ITPR1: variants seen among roughly 807,000 people sequenced by gnomAD.
ITPR1 encodes inositol 1,4,5-trisphosphate-gated calcium channel ITPR1.
A neutral mutation model predicts 318.4 loss-of-function variants in ITPR1; 96 were observed. That is an observed-to-expected ratio of 0.30 (90% confidence interval 0.26 to 0.36). The LOEUF is 0.36. Among genes scored for constraint, ITPR1 ranks in the 10% least tolerant of loss-of-function variants. The pLI is 1.00. For missense variants in ITPR1, 2,440 were observed against 3,460.2 expected (o/e 0.71, Z 7.40); for synonymous variants, 1,312 against 1,289.9 (o/e 1.02, Z -0.37).
chr3:4,641,998 G>C lies in ITPR1; in HGVS notation c.367-95G>C. The C allele has an allele frequency of 2.1e-6, 2 of 967,700 alleles. 1 individual carries two copies. Among genetic ancestry groups the C allele is most frequent in the Non-Finnish European group, 2.9e-6 (2 of 688,020 alleles). The allele number at this position is 967,700 out of a possible 1,614,324, so 59.9% of individuals were successfully genotyped here. ...CTTCACCAGCAGCTCAATGGTGGGAGGAATGTTTGCTACATAGTTGGTATG... is the reference window on the plus strand; with the variant it reads ...CTTCACCAGCAGCTCAATGGTGGGACGAATGTTTGCTACATAGTTGGTATG... On this transcript the variant is annotated intron_variant, in intron 6 of 61. Coordinates refer to ENST00000649015, the MANE Select transcript of ITPR1 (RefSeq NM_001378452.1).
intron 4 of ITPR1, among the ~76,000 whole-genome samples, chr3:4,566,636 A>ACACACACACG (rs1399130685): frequency 1.3e-5 from 2 of 151,754 alleles, no homozygotes; most frequent in Non-Finnish European, 2.9e-5. Flanking sequence ...ACACACACAC[A>ACACACACACG]CACACACTGA....
chr3:4,766,403 G>A (rs2045821780), intron 44 of ITPR1, 127 bp from the exon 45 acceptor site: 1 of 704,856 alleles, frequency 1.4e-6, no homozygotes, highest in Non-Finnish European at 2.4e-6. Flanking sequence ...CCTTAATGTT[G>A]ATCTAAACTT....
intron 4 of ITPR1, among the ~76,000 whole-genome samples, chr3:4,589,610 C>A (rs2090212841): frequency 6.6e-6 from 1 of 152,094 alleles, no homozygotes; most frequent in Non-Finnish European, 1.5e-5. Context: ...TGATGGCTCA[C>A]AGTCTTTCTA....
chr3:4,595,827 G>A (rs2090764701), intron 4 of ITPR1, among the ~76,000 whole-genome samples: 1 of 152,158 alleles, frequency 6.6e-6, no homozygotes, highest in Non-Finnish European at 1.5e-5. Flanking sequence ...ACCTTTGAGA[G>A]CATTGTGGTA....
intron 4 of ITPR1, among the ~76,000 whole-genome samples, chr3:4,550,428 G>A (rs555681037): frequency 6.6e-6 from 1 of 152,320 alleles, no homozygotes; most frequent in East Asian, 1.9e-4. Flanking sequence ...CGTGCTTCAT[G>A]AAAATCATGT....
At chr3:4,646,358 G>T (rs2093457211) in intron 10 of ITPR1, among the ~76,000 whole-genome samples, 1 of 152,236 alleles carries the variant, frequency 6.6e-6, no homozygotes, top group South Asian at 2.1e-4. Flanking sequence ...GGTACCTGCA[G>T]GATGATTTGT....
chr3:4,639,575 C>T, intron 6 of ITPR1, 105 bp downstream of exon 6: 1 of 792,466 alleles, frequency 1.3e-6, no homozygotes, highest in Non-Finnish European at 2.1e-6. Flanking sequence ...CAGCAGGACT[C>T]CATGGAGGCA....
At chr3:4,709,223 A>T (rs1328743837) in intron 37 of ITPR1, among the ~76,000 whole-genome samples, 1 of 152,302 alleles carries the variant, frequency 6.6e-6, no homozygotes, top group African/African-American at 2.4e-5. Flanking sequence ...GTCAGTATGA[A>T]CTAAGGGATG....
At chr3:4,737,977 G>T (rs1019247318) in intron 44 of ITPR1, among the ~76,000 whole-genome samples, 2 of 152,080 alleles carry the variant, frequency 1.3e-5, no homozygotes, top group African/African-American at 4.8e-5. Flanking sequence ...ATCAAATACC[G>T]CATGTTCTCA....
At chr3:4,696,503 A>G (rs956037614) in intron 33 of ITPR1, among the ~76,000 whole-genome samples, 2 of 152,188 alleles carry the variant, frequency 1.3e-5, no homozygotes, top group Non-Finnish European at 2.9e-5. Flanking sequence ...TTGTGTGTCC[A>G]TCAGTCAGTT....
intron 4 of ITPR1, among the ~76,000 whole-genome samples, chr3:4,554,362 G>A (rs1358410890): frequency 2.6e-5 from 4 of 152,204 alleles, no homozygotes; most frequent in Middle Eastern, 3.2e-3. Context: ...ATTTTTTGCC[G>A]AGTCGCAGAA....
chr3:4,590,893 A>G (rs2090344874), intron 4 of ITPR1, among the ~76,000 whole-genome samples: 2 of 151,914 alleles, frequency 1.3e-5, no homozygotes, highest in Admixed American at 1.3e-4. Flanking sequence ...CTCCCCCTCC[A>G]CAAGTAGACT....
intron 42 of ITPR1, among the ~76,000 whole-genome samples, chr3:4,730,630 TC>T (rs2042862339): frequency 6.6e-6 from 1 of 152,072 alleles, no homozygotes; most frequent in South Asian, 2.1e-4. Context: ...TTTCATTACC[TC>T]CTGCTTGCTT....
At chr3:4,624,542 A>T (rs2092755299) in intron 4 of ITPR1, among the ~76,000 whole-genome samples, 1 of 151,822 alleles carries the variant, frequency 6.6e-6, no homozygotes, top group Non-Finnish European at 1.5e-5. Flanking sequence ...GGTGGTGAGC[A>T]CCTGTAATTC....
At chr3:4,750,863 T>C (rs2044453400) in intron 44 of ITPR1, 1 of 152,628 alleles carries the variant, frequency 6.6e-6, no homozygotes, top group Admixed American at 6.5e-5. Flanking sequence ...CCCCATTGTG[T>C]AGCCCCGGGA....
chr3:4,645,278 T>C (rs1326110294), intron 8 of ITPR1, 109 bp from the exon 9 acceptor site: 2 of 739,872 alleles, frequency 2.7e-6, no homozygotes, highest in Admixed American at 4.4e-5. Flanking sequence ...TTAGAGTTTT[T>C]AGTCTCAAGT....
intron 4 of ITPR1, among the ~76,000 whole-genome samples, chr3:4,620,426 G>A (rs561502288): frequency 1.6e-3 from 242 of 152,204 alleles, no homozygotes; most frequent in South Asian, 3.7e-3. Context: ...CCAATCCTCC[G>A]TTACTGGTCC....
At chr3:4,746,709 A>G (rs1159212561) in intron 44 of ITPR1, among the ~76,000 whole-genome samples, 1 of 152,220 alleles carries the variant, frequency 6.6e-6, no homozygotes, top group Non-Finnish European at 1.5e-5. Context: ...TACATGATGA[A>G]TCAGTGTGGA....
intron 16 of ITPR1, 149 bp downstream of exon 16, chr3:4,663,355 C>G (rs796950095): frequency 5.2e-6 from 3 of 574,574 alleles, no homozygotes; most frequent in African/African-American, 3.8e-5. Flanking sequence ...GTGAGCTGAT[C>G]GCATCACTGC....
Sources: gnomAD v4.1 joint callset for allele counts (sites outside exome capture counted in the v4.1 genomes callset) on GRCh38, gnomAD v4.1.1 for gene constraint, MANE v1.5 for transcripts, NCBI Gene and HGNC (gene_info 2026-07-23, HGNC 2026-07-21) for gene names.